The following PTPRD variants were observed in gnomAD, a reference collection of about 807,000 sequenced individuals.
PTPRD encodes the protein receptor-type tyrosine-protein phosphatase delta.
A neutral mutation model predicts 214.5 loss-of-function variants in PTPRD; 34 were observed. That is an observed-to-expected ratio of 0.16 (90% confidence interval 0.12 to 0.21). PTPRD has a LOEUF of 0.21. Ranked by LOEUF, PTPRD falls within the 10% of genes least tolerant of loss-of-function variation. The probability of loss-of-function intolerance (pLI) is 1.00; values close to 1 mark genes in which losing one functional copy is unlikely to be tolerated. For synonymous variants in PTPRD, 1,128 were observed against 845.7 expected (o/e 1.33, Z -5.79); for missense variants, 2,545 against 2,398.7 (o/e 1.06, Z -1.27).
chr9:9,985,079 T>C (rs2095664456), intron 4 of PTPRD, among the ~76,000 whole-genome samples: 1 of 152,162 alleles, frequency 6.6e-6, no homozygotes, highest in African/African-American at 2.4e-5. Flanking sequence ...CACATGCAAA[T>C]ACAAACTGAA....
chr9:10,509,176 G>A (rs2047102540), intron 2 of PTPRD, among the ~76,000 whole-genome samples: 1 of 151,918 alleles, frequency 6.6e-6, no homozygotes, highest in South Asian at 2.1e-4. Context: ...AAGATCCATA[G>A]GAGGAATTTG....
intron 8 of PTPRD, among the ~76,000 whole-genome samples, chr9:9,449,723 T>C (rs928745024): frequency 2.6e-5 from 4 of 151,892 alleles, no homozygotes; most frequent in Admixed American, 1.3e-4. Flanking sequence ...TTATATCTTA[T>C]AGCAGTCATT....
At chr9:9,250,938 G>C (rs921958383) in intron 9 of PTPRD, among the ~76,000 whole-genome samples, 1 of 152,012 alleles carries the variant, frequency 6.6e-6, no homozygotes, top group Non-Finnish European at 1.5e-5. Context: ...CAAGGGAGAA[G>C]AGAAAAATGT....
chr9:10,520,787 T>C (rs1040512112), intron 2 of PTPRD, among the ~76,000 whole-genome samples: 2 of 152,052 alleles, frequency 1.3e-5, no homozygotes, highest in African/African-American at 4.8e-5. Context: ...GCCTGTGTTC[T>C]ATAAATGGAA....
chr9:8,990,497 G>A (rs1395764559), intron 11 of PTPRD, among the ~76,000 whole-genome samples: 3 of 152,240 alleles, frequency 2.0e-5, no homozygotes, highest in South Asian at 4.1e-4. Flanking sequence ...AGTGGCCTCA[G>A]AAGCTCTTTC....
intron 11 of PTPRD, among the ~76,000 whole-genome samples, chr9:8,966,971 A>G (rs1398650843): frequency 6.6e-6 from 1 of 151,998 alleles, no homozygotes; most frequent in Non-Finnish European, 1.5e-5. Context: ...TAAGCCCATG[A>G]AAAAATGGAC....
chr9:9,105,482 A>T (rs1467103010), intron 10 of PTPRD, among the ~76,000 whole-genome samples: 1 of 152,112 alleles, frequency 6.6e-6, no homozygotes, highest in East Asian at 1.9e-4. Flanking sequence ...CCTTTAAAAA[A>T]TTTTCTGCTG....
chr9:8,919,619 T>A (rs2098811069), intron 11 of PTPRD, among the ~76,000 whole-genome samples: 1 of 152,202 alleles, frequency 6.6e-6, no homozygotes, highest in Non-Finnish European at 1.5e-5. Flanking sequence ...ATTTTTTCCA[T>A]ATACAGATGT....
chr9:9,940,819 C>A (rs2091251809), intron 4 of PTPRD, among the ~76,000 whole-genome samples: 1 of 152,130 alleles, frequency 6.6e-6, no homozygotes, highest in Non-Finnish European at 1.5e-5. Context: ...TACATTTCAA[C>A]CCTGATTTGC....
chr9:10,301,500 G>A (rs116514735), intron 3 of PTPRD, among the ~76,000 whole-genome samples: 5,218 of 152,202 alleles, frequency 0.034, 301 homozygotes, highest in Admixed American at 0.16. Context: ...CTAACCCTTC[G>A]CAAGGAAGCT....
At chr9:9,803,936 T>C (rs972847652) in intron 5 of PTPRD, among the ~76,000 whole-genome samples, 3 of 152,086 alleles carry the variant, frequency 2.0e-5, no homozygotes, top group African/African-American at 7.2e-5. Context: ...ACTATCTCAC[T>C]AGAAGTTTAT....
chr9:10,146,428 T>C (rs1487405881), intron 3 of PTPRD, among the ~76,000 whole-genome samples: 1 of 151,972 alleles, frequency 6.6e-6, no homozygotes, highest in Admixed American at 6.6e-5. Context: ...TAAACAAATA[T>C]ATAAAATAAT....
Position 8,391,853 on chromosome 9 carries a change from A to C in PTPRD, c.4211-2446T>G, listed in dbSNP as rs1421122374. ...GAGATGCACAGGAGAATCATTCCTA[A>C]AGACAGGGAATCAGACCCATCCAAC... On this transcript the variant is annotated intron_variant, in intron 36 of 45. Transcript: ENST00000381196. 2.0e-5 allele frequency among the ~76,000 whole-genome samples: 3 copies of C among 152,244 alleles called. No individual in the cohort carries two copies. The East Asian group carries it at 5.8e-4, about 29-fold the overall frequency.
Position 8,978,414 on chromosome 9 carries a change from G to A in PTPRD, c.-104+40283C>T, listed in dbSNP as rs1193865392. 1.3e-5 allele frequency among the ~76,000 whole-genome samples: 2 copies of A among 152,026 alleles called. 1 individual carries two copies. The highest frequency in any genetic ancestry group is 4.1e-4 in the South Asian group (2 of 4,822). ...TTAGCCTGGTAGTTTTCACATATTG[G>A]GCTCTCAATAAATATCCACGGAATG... On this transcript the variant is annotated intron_variant, in intron 11 of 45. Transcript: ENST00000381196.
chr9:8,843,270 A>T (rs892043104), intron 11 of PTPRD, among the ~76,000 whole-genome samples: 2 of 152,256 alleles, frequency 1.3e-5, no homozygotes, highest in Admixed American at 6.5e-5. Context: ...TTTGTCTGTC[A>T]TTAGGCAAAA....
At chr9:9,186,439 A>G (rs1253836355) in intron 9 of PTPRD, among the ~76,000 whole-genome samples, 1 of 152,042 alleles carries the variant, frequency 6.6e-6, no homozygotes, top group African/African-American at 2.4e-5. Context: ...ATAAGATCCC[A>G]TTTCTACAAA....
intron 4 of PTPRD, among the ~76,000 whole-genome samples, chr9:9,947,427 A>ATATATAT (rs1566618828): frequency 3.1e-5 from 1 of 31,902 alleles, no homozygotes; most frequent in Non-Finnish European, 4.2e-5. Context: ...TATATATATT[A>ATATATAT]TATATATATT....
At chr9:9,767,418 G>C (rs1420841877) in intron 5 of PTPRD, among the ~76,000 whole-genome samples, 3 of 151,954 alleles carry the variant, frequency 2.0e-5, no homozygotes, top group Non-Finnish European at 4.4e-5. Context: ...TAATGAACTT[G>C]AGTACTTTAA....
At chr9:10,381,305 G>A (rs1386207406) in intron 2 of PTPRD, among the ~76,000 whole-genome samples, 2 of 151,904 alleles carry the variant, frequency 1.3e-5, no homozygotes, top group African/African-American at 2.4e-5. Flanking sequence ...TAGTTGCCTA[G>A]GAAACATACA....
Sources: allele counts gnomAD v4.1 joint callset (sites outside exome capture counted in the v4.1 genomes callset), GRCh38; gene constraint gnomAD v4.1.1; transcripts MANE v1.5; gene names NCBI Gene and HGNC (gene_info 2026-07-23, HGNC 2026-07-21).